The following GABBR2 variants were observed in gnomAD, a reference collection of about 807,000 sequenced individuals.
GABBR2 encodes the protein G-protein coupled receptor 51.
Under a neutral mutation model 105.6 loss-of-function variants are expected in GABBR2, and 23 were observed. The observed-to-expected ratio is 0.22, with a 90% confidence interval of 0.16 to 0.31. The LOEUF (loss-of-function observed/expected upper bound fraction) is 0.31, where lower values mean the gene tolerates loss of function less well. GABBR2 is among the 10% of genes least tolerant of loss of function. The pLI, the probability that GABBR2 is intolerant of heterozygous loss-of-function variation, is 1.00. For synonymous variants in GABBR2, 478 were observed against 499.7 expected, an observed-to-expected ratio of 0.96 and a Z score of 0.58; for missense variants, 734 against 1,245.5, an observed-to-expected ratio of 0.59 and a Z score of 6.18.
chr9:98,382,479 A>C (rs1831995965), intron 11 of GABBR2, among the ~76,000 whole-genome samples: 1 of 152,012 alleles, frequency 6.6e-6, no homozygotes, highest in African/African-American at 2.4e-5. Context: ...TCGCCCAGCT[A>C]ATTTTTTGTA....
intron 3 of GABBR2, among the ~76,000 whole-genome samples, chr9:98,531,244 C>A (rs1828061814): frequency 6.6e-6 from 1 of 152,210 alleles, no homozygotes; most frequent in Admixed American, 6.5e-5. Context: ...TCACCCTAGC[C>A]TCTCTGAGCG....
intron 7 of GABBR2, among the ~76,000 whole-genome samples, chr9:98,448,567 C>A (rs922214167): frequency 6.6e-6 from 1 of 152,268 alleles, no homozygotes; most frequent in Non-Finnish European, 1.5e-5. Context: ...CAGGCACCTG[C>A]CACCATGCCC....
At chr9:98,584,025 T>G in intron 1 of GABBR2, among the ~76,000 whole-genome samples, 1 of 152,158 alleles carries the variant, frequency 6.6e-6, no homozygotes, top group East Asian at 1.9e-4. Context: ...TTACAGCAAG[T>G]TGTCTTTCTG....
At chr9:98,419,531 G>A (rs1488500530) in intron 7 of GABBR2, among the ~76,000 whole-genome samples, 5 of 152,140 alleles carry the variant, frequency 3.3e-5, no homozygotes, top group Non-Finnish European at 7.4e-5. Context: ...TGGGAGGAGC[G>A]GAAGAACCTC....
intron 14 of GABBR2, among the ~76,000 whole-genome samples, chr9:98,308,808 T>C (rs10985817): frequency 0.17 from 26,096 of 152,228 alleles, 2,362 homozygotes; most frequent in Middle Eastern, 0.23. Context: ...AAAGAATACA[T>C]TTCTGTTTGT....
chr9:98,410,078 G>C (rs749645886), intron 7 of GABBR2, among the ~76,000 whole-genome samples: 20 of 151,700 alleles, frequency 1.3e-4, no homozygotes, highest in Non-Finnish European at 2.4e-4. Context: ...AGCCAGGGGA[G>C]CCAGGCCAGC....
At chr9:98,383,676 T>C (rs971440918) in intron 11 of GABBR2, among the ~76,000 whole-genome samples, 5 of 152,240 alleles carry the variant, frequency 3.3e-5, no homozygotes, top group African/African-American at 1.2e-4. Context: ...GACCTCTCTC[T>C]GGCTAGACAG....
intron 11 of GABBR2, among the ~76,000 whole-genome samples, chr9:98,382,218 G>A (rs1831990020): frequency 6.6e-6 from 1 of 152,162 alleles, no homozygotes; most frequent in Admixed American, 6.5e-5. Context: ...CAGAATGAGG[G>A]TAGGGTTTTG....
At chr9:98,573,037 T>C (rs984774977) in intron 2 of GABBR2, among the ~76,000 whole-genome samples, 8 of 152,158 alleles carry the variant, frequency 5.3e-5, no homozygotes, top group African/African-American at 1.9e-4. Flanking sequence ...TCCACCGCCC[T>C]CCCTGCCCTA....
chr9:98,486,714 T>TA (rs1248284110), intron 4 of GABBR2, among the ~76,000 whole-genome samples: 1 of 152,210 alleles, frequency 6.6e-6, no homozygotes, highest in Non-Finnish European at 1.5e-5. Context: ...GCTGAGCTGT[T>TA]AGAGGCTGGC....
intron 13 of GABBR2, among the ~76,000 whole-genome samples, chr9:98,320,828 T>G (rs1830807327): frequency 4.8e-5 from 2 of 41,772 alleles, no homozygotes; most frequent in Non-Finnish European, 9.0e-5. Flanking sequence ...GGGACTGTTG[T>G]GGTGTGGGGG....
At chr9:98,494,460 G>A (rs1012143470) in intron 4 of GABBR2, among the ~76,000 whole-genome samples, 1 of 152,228 alleles carries the variant, frequency 6.6e-6, no homozygotes, top group Non-Finnish European at 1.5e-5. Flanking sequence ...TCTGTCATTA[G>A]TGCTGCTCTC....
At chr9:98,602,105 A>C (rs1222320268) in intron 1 of GABBR2, among the ~76,000 whole-genome samples, 1 of 151,348 alleles carries the variant, frequency 6.6e-6, no homozygotes, top group African/African-American at 2.4e-5. Context: ...GGCTCAAGCA[A>C]TCCTCCCTCC....
chr9:98,486,689 TA>T (rs1827058723), intron 4 of GABBR2, among the ~76,000 whole-genome samples: 2 of 152,202 alleles, frequency 1.3e-5, no homozygotes, highest in Non-Finnish European at 2.9e-5. Flanking sequence ...GGAGATGCTA[TA>T]AACCCCTAAG....
chr9:98,337,949 G>C (rs928558007), intron 13 of GABBR2, among the ~76,000 whole-genome samples: 1 of 152,144 alleles, frequency 6.6e-6, no homozygotes, highest in Admixed American at 6.5e-5. Context: ...TTGAACCTGG[G>C]AGGAGGAGTT....
In GABBR2 at chr9:98,582,785, T is replaced by C. The variant is rs1829020022; in HGVS notation, c.322-4713A>G. On this transcript the variant is annotated intron_variant, in intron 1 of 18. Coordinates refer to ENST00000259455, the MANE Select transcript of GABBR2 (RefSeq NM_005458.8). Reference sequence around the variant, plus strand: ...TTTTTAATGTCCTGACATGATAAAATAGAAAAAATTTTCACACTATGTAAG... The same window carrying C: ...TTTTTAATGTCCTGACATGATAAAACAGAAAAAATTTTCACACTATGTAAG... 2.6e-5 allele frequency among the ~76,000 whole-genome samples: 4 copies of C among 152,240 alleles called. No homozygotes were observed. The South Asian group carries it at 8.3e-4, about 32-fold the overall frequency.
chr9:98,316,096 C>T (rs1313250467), intron 13 of GABBR2, among the ~76,000 whole-genome samples: 2 of 152,138 alleles, frequency 1.3e-5, no homozygotes, highest in African/African-American at 2.4e-5. Flanking sequence ...ACAGCATTTG[C>T]ATTGCCCTTA....
chr9:98,473,426 G>A (rs1826725535), intron 5 of GABBR2, 80 bp from the exon 6 acceptor site: 1 of 870,188 alleles, frequency 1.1e-6, no homozygotes. Context: ...AGGTGGGGAG[G>A]AAGGCTTCCT....
At chr9:98,622,951 G>A (rs542167547) in intron 1 of GABBR2, among the ~76,000 whole-genome samples, 2 of 152,146 alleles carry the variant, frequency 1.3e-5, no homozygotes, top group African/African-American at 4.8e-5. Context: ...TATGGACTCT[G>A]GGTGATGACG....
Sources: allele counts gnomAD v4.1 joint callset (sites outside exome capture counted in the v4.1 genomes callset), GRCh38; gene constraint gnomAD v4.1.1; transcripts MANE v1.5; gene names NCBI Gene and HGNC (gene_info 2026-07-23, HGNC 2026-07-21).